Variants in KMT2C observed in about 807,000 individuals in gnomAD.
KMT2C encodes the protein histone-lysine N-methyltransferase 2C.
A neutral mutation model predicts 507.9 loss-of-function variants in KMT2C; 88 were observed. The ratio of observed to expected loss-of-function variants is 0.17; its 90% confidence interval spans 0.15 to 0.21. KMT2C has a LOEUF of 0.21. KMT2C is among the 10% of genes least tolerant of loss of function. The pLI is 1.00. For missense variants in KMT2C, 4,954 were observed against 5,957.8 expected (o/e 0.83, Z 5.55); for synonymous variants, 2,049 against 2,080.8 (o/e 0.98, Z 0.42).
chr7:152,275,242 AAGAAAG>A (rs1286427228), intron 6 of KMT2C, among the ~76,000 whole-genome samples: 1 of 152,216 alleles, frequency 6.6e-6, no homozygotes, highest in East Asian at 1.9e-4. Flanking sequence ...GAAAGAAGAA[AAGAAAG>A]AGATACAAAA....
intron 23 of KMT2C, among the ~76,000 whole-genome samples, chr7:152,215,559 G>A (rs1203149049): frequency 1.4e-5 from 2 of 139,966 alleles, no homozygotes; most frequent in African/African-American, 2.6e-5. Flanking sequence ...GAAACCCAAA[G>A]GTCTATCAAC....
intron 41 of KMT2C, 82 bp downstream of exon 41, chr7:152,169,104 C>G: frequency 2.3e-6 from 2 of 886,604 alleles, no homozygotes; most frequent in Non-Finnish European, 3.8e-6. Flanking sequence ...TGTACCTACA[C>G]TCACTTCAGG....
In KMT2C at chr7:152,177,733, A is replaced by C. The variant is rs1455542645; in HGVS notation, c.7720T>G (p.Phe2574Val). The C allele has an allele frequency of 6.2e-7, 1 of 1,613,994 alleles. No homozygotes were observed. Among genetic ancestry groups the C allele is most frequent in the Admixed American group, 1.7e-5 (1 of 60,006 alleles). The change falls in exon 38 of 59, where the codon TTC becomes GTC. Residue 2574 changes from phenylalanine to valine, a missense_variant. Coordinates refer to ENST00000262189, the MANE Select transcript of KMT2C (RefSeq NM_170606.3). ...RAPDGRQRLPFSAPPGSVVEA... is the reference protein window; with the variant it reads ...RAPDGRQRLPVSAPPGSVVEA... ...ACAACGCTGCCAGGTGGAGCACTGA[A>C]AGGCAGCCGTTGCCTTCCGTCAGGA...
At chr7:152,159,159 T>A in intron 43 of KMT2C, 87 bp from the exon 44 acceptor site, 1 of 1,109,870 alleles carries the variant, frequency 9.0e-7, no homozygotes, top group Non-Finnish European at 1.4e-6. Flanking sequence ...TGACGCGTCA[T>A]CCTAACATGG....
chr7:152,173,400 A>G (rs1038618388), intron 39 of KMT2C, among the ~76,000 whole-genome samples: 12 of 152,180 alleles, frequency 7.9e-5, no homozygotes, highest in South Asian at 2.1e-4. Flanking sequence ...GACGCTTGCT[A>G]AAAATACAGA....
chr7:152,328,958 G>A (rs1370678273), intron 3 of KMT2C, among the ~76,000 whole-genome samples: 2 of 152,040 alleles, frequency 1.3e-5, no homozygotes, highest in Non-Finnish European at 1.5e-5. Flanking sequence ...ACATGTTAAG[G>A]GTGAGGTGTC....
chr7:152,403,386 G>A (rs1819337), intron 1 of KMT2C, among the ~76,000 whole-genome samples: 615 of 111,838 alleles, frequency 5.5e-3, no homozygotes, highest in African/African-American at 0.021. Flanking sequence ...GTGTGCACCT[G>A]TAATCCCAGC....
intron 9 of KMT2C, among the ~76,000 whole-genome samples, chr7:152,262,292 C>A (rs1488669468): frequency 6.6e-6 from 1 of 152,188 alleles, no homozygotes; most frequent in Non-Finnish European, 1.5e-5. Flanking sequence ...CCCTCTCCAG[C>A]TCCAGGAAAA....
At chr7:152,387,354 T>A (rs924874424) in intron 1 of KMT2C, among the ~76,000 whole-genome samples, 1 of 151,924 alleles carries the variant, frequency 6.6e-6, no homozygotes, top group Non-Finnish European at 1.5e-5. Context: ...AAACTTCATT[T>A]CAATCATTAC....
chr7:152,364,036 TA>T (rs1325795614), intron 1 of KMT2C, among the ~76,000 whole-genome samples: 1 of 152,172 alleles, frequency 6.6e-6, no homozygotes, highest in African/African-American at 2.4e-5. Context: ...GGAGCAGGGC[TA>T]AATGAGCCAC....
At chr7:152,172,175 G>C (rs900634415) in intron 39 of KMT2C, among the ~76,000 whole-genome samples, 1 of 152,116 alleles carries the variant, frequency 6.6e-6, no homozygotes, top group Non-Finnish European at 1.5e-5. Flanking sequence ...CACTGCTACA[G>C]GTCTGGTCTA....
At chr7:152,433,065 T>C (rs1590028949) in intron 1 of KMT2C, among the ~76,000 whole-genome samples, 1 of 151,874 alleles carries the variant, frequency 6.6e-6, no homozygotes, top group African/African-American at 2.4e-5. Context: ...GGAGAATCGC[T>C]TGAATACACG....
intron 31 of KMT2C, among the ~76,000 whole-genome samples, chr7:152,190,697 TATCTCA>T (rs2093765986): frequency 6.6e-6 from 1 of 152,202 alleles, no homozygotes; most frequent in Non-Finnish European, 1.5e-5. Context: ...CAAGTTACTC[TATCTCA>T]ATCTTGAAAA....
At position 152,148,845 on chromosome 7, in the gene KMT2C, C is replaced by T. The variant is rs1246365635; in HGVS notation, c.13082G>A (p.Ser4361Asn). 1.2e-6 allele frequency: 2 copies of T among 1,614,240 alleles called. No individual in the cohort carries two copies. The highest frequency in any genetic ancestry group is 1.7e-5 in the Admixed American group (1 of 60,032). ...KWRGMKWKKW[S>N]IHIVIPKGTF... ...CCCCTTAGGGATTACAATATGAATG[C>T]TCCACTTCTTCCATTTCATTCCTCT... Residue 4361 changes from serine (S) to asparagine (N), a missense_variant, in exon 52 of 59, where the codon AGC (serine) becomes AAC (asparagine). By Grantham distance (46) the Ser-to-Asn change is conservative. Transcript: ENST00000262189. This position sits in a 1 kb window ranked among gnomAD's most constrained non-coding sequence, Gnocchi z 7.1.
At chr7:152,226,920 A>G (rs769197383) in intron 18 of KMT2C, among the ~76,000 whole-genome samples, 1 of 152,252 alleles carries the variant, frequency 6.6e-6, no homozygotes, top group Non-Finnish European at 1.5e-5. Context: ...GGCTTAAACA[A>G]TGACCTGAAG....
rs2129114072 is a variant in KMT2C, at chr7:152,177,026, T to C, written c.8427A>G (p.Lys2809=). Residue 2809 remains lysine, a synonymous_variant, in exon 38 of 59, where the codon AAA becomes AAG. Transcript: ENST00000262189. Reference sequence around the variant, plus strand: ...CAGTGGATTTTTTCTGTGGTGAATGTTTATCAGAGAGAACCAGAGTTTTGT... The same window carrying C: ...CAGTGGATTTTTTCTGTGGTGAATGCTTATCAGAGAGAACCAGAGTTTTGT... ...QENKTLVLSD[K]HSPQKKSTVT... is the part of the protein sequence containing the mutation. The C allele has an allele frequency of 6.2e-7, 1 of 1,614,038 alleles. No homozygotes were observed. The highest frequency in any genetic ancestry group is 1.7e-5 in the Admixed American group (1 of 60,008).
rs140392897 is a variant in KMT2C, at chr7:152,154,340, T to C, written c.12066A>G (p.Ser4022=). The C allele has an allele frequency of 5.0e-6, 8 of 1,614,162 alleles. No individual in the cohort carries two copies. Among genetic ancestry groups the C allele is most frequent in the Non-Finnish European group, 5.9e-6 (7 of 1,180,016 alleles). Residue 4022 remains serine (S), a synonymous_variant, in exon 47 of 59, where the codon TCA becomes TCG. Coordinates refer to ENST00000262189, the MANE Select transcript of KMT2C (RefSeq NM_170606.3). ...GTTCTGGAGGCTCCTCCTTGACCAATGACAGATCTGGATACCTGCTCACTT... is the reference window on the plus strand; with the variant it reads ...GTTCTGGAGGCTCCTCCTTGACCAACGACAGATCTGGATACCTGCTCACTT... ...GVEVSRYPDL[S]LVKEEPPEPV... is the part of the protein sequence containing the mutation.
intron 1 of KMT2C, chr7:152,368,774 T>A: frequency 2.6e-6 from 2 of 764,846 alleles, no homozygotes; most frequent in Non-Finnish European, 4.3e-6. Context: ...ATGATGGATT[T>A]AACAGCGTGA....
At chr7:152,183,905 G>A (rs573481424) in intron 34 of KMT2C, among the ~76,000 whole-genome samples, 2,087 of 140,838 alleles carry the variant, frequency 0.015, 22 homozygotes, top group Middle Eastern at 0.068. Context: ...TCAAAAAAAA[G>A]AAAAAGAAAA....
Sources: allele counts gnomAD v4.1 joint callset (sites outside exome capture counted in the v4.1 genomes callset), GRCh38; gene constraint gnomAD v4.1.1; non-coding constraint Gnocchi (gnomAD v3.1); transcripts MANE v1.5; gene names NCBI Gene and HGNC (gene_info 2026-07-23, HGNC 2026-07-21).